Variants in RIN3 observed in about 807,000 individuals in gnomAD.
RIN3 encodes the protein Ras and Rab interactor 3, also known as RAB5 interacting protein 3.
A neutral mutation model predicts 76.3 loss-of-function variants in RIN3; 54 were observed. That is an observed-to-expected ratio of 0.71 (90% CI 0.57 to 0.89). The LOEUF is 0.89. Ranked by LOEUF, RIN3 falls within the 40% of genes least tolerant of loss-of-function variation. The probability of loss-of-function intolerance (pLI) is 0.00; values close to 1 mark genes in which losing one functional copy is unlikely to be tolerated. For synonymous variants in RIN3, 576 were observed against 564.0 expected, an observed-to-expected ratio of 1.02 and a Z score of -0.30; for missense variants, 1,256 against 1,322.1, an observed-to-expected ratio of 0.95 and a Z score of 0.78.
chr14:92,683,256 AC>A (rs554095192), intron 8 of RIN3, among the ~76,000 whole-genome samples: 14 of 152,200 alleles, frequency 9.2e-5, no homozygotes, highest in African/African-American at 3.4e-4. Context: ...CCAAGGAAGC[AC>A]CATGGAGGTG....
In RIN3 at chr14:92,655,162, C is replaced by G. The variant is rs887812141; in HGVS notation, c.2026+2087C>G. ...CCTGGGCAACAGAGTGAGACTTTGT[C>G]TCAAAAAAATAAAAGTTAAAAAAAA... On this transcript the variant is annotated intron_variant, in intron 6 of 9. Transcript: ENST00000216487. 3.2e-4 allele frequency among the ~76,000 whole-genome samples: 49 copies of G among 151,108 alleles called. 1 individual carries two copies. The highest frequency in any genetic ancestry group is 1.2e-3 in the African/African-American group (47 of 40,786).
rs767131905 is a variant in RIN3 at position 92,652,996 on chromosome 14, C to A, written c.1947C>A (p.Thr649=). ...EMLQEIRTMM[T]QLKSYLLQST... is the part of the protein sequence containing the mutation. Reference sequence around the variant, plus strand: ...TGCAGGAGATTCGCACCATGATGACCCAGCTCAAGAGCTACCTGCTGCAGA... The same window carrying A: ...TGCAGGAGATTCGCACCATGATGACACAGCTCAAGAGCTACCTGCTGCAGA... Residue 649 remains threonine (T), a synonymous_variant, in exon 6 of 10, where the codon ACC becomes ACA. Transcript: ENST00000216487. This position sits in a 1 kb window ranked among gnomAD's most constrained non-coding sequence, Gnocchi z 6.4. 6.2e-7 allele frequency: 1 copy of A among 1,613,088 alleles called. No homozygotes were observed. The highest frequency in any genetic ancestry group is 8.5e-7 in the Non-Finnish European group (1 of 1,180,030).
Position 92,662,184 on chromosome 14 carries a change from C to A in RIN3, c.2335+2715C>A, listed in dbSNP as rs78957460. 3.3e-5 allele frequency among the ~76,000 whole-genome samples: 5 copies of A among 152,306 alleles called. No individual in the cohort carries two copies. In the East Asian group the frequency reaches 9.6e-4, roughly 29 times the overall value. On this transcript the variant is annotated intron_variant, in intron 7 of 9. Coordinates refer to ENST00000216487, the MANE Select transcript of RIN3 (RefSeq NM_024832.5). ...CTGGCAAAGGGTGTCCGAGAATGAG[C>A]GGGGCCTTCTCAAGCCTTCTCAGAG...
chr14:92,649,191 G>A (rs894147097), intron 5 of RIN3, among the ~76,000 whole-genome samples: 10 of 152,200 alleles, frequency 6.6e-5, no homozygotes, highest in African/African-American at 2.4e-4. Flanking sequence ...TGATCTGGGT[G>A]AGCAGTCATG....
chr14:92,652,657 C>A lies in RIN3; in HGVS notation c.1608C>A (p.Asp536Glu), dbSNP rs761082558. 6 of 1,612,378 alleles carry A rather than the reference C, an allele frequency of 3.7e-6. No individual in the cohort carries two copies. Among genetic ancestry groups the A allele is most frequent in the Non-Finnish European group, 4.2e-6 (5 of 1,180,000 alleles). Residue 536 changes from aspartate (D) to glutamate (E), a missense_variant, in exon 6 of 10, where the codon GAC becomes GAA. By Grantham distance (45) the Asp-to-Glu change is conservative. Around this residue, in one of 3 missense-constraint regions of RIN3, gnomAD observed 428 missense variants for 521.2 expected, o/e 0.82. Transcript: ENST00000216487. The surrounding 1 kb of genome is among the most constrained non-coding windows in gnomAD (Gnocchi z 6.4). ...AGGGCTCCCTGGCCTCCCTCTCAGA[C>A]AGCTTGGGGGTGTCTGTCATGGCCA... ...EFKGSLASLS[D>E]SLGVSVMATD...
intron 1 of RIN3, chr14:92,515,135 C>A: frequency 1.5e-6 from 1 of 663,800 alleles, no homozygotes; most frequent in South Asian, 1.7e-5. Context: ...GAACGTCTCC[C>A]TTCCCTTCTT....
At position 92,685,371 on chromosome 14, in the gene RIN3, G is replaced by A. The variant is rs770737006; in HGVS notation, c.2631+221G>A. 175 of 555,082 alleles carry A rather than the reference G, an allele frequency of 3.2e-4. No individual in the cohort carries two copies. The highest frequency in any genetic ancestry group is 5.1e-4 in the Non-Finnish European group (159 of 309,686). The allele number at this position is 555,082 out of a possible 1,614,324, so 34.4% of individuals were successfully genotyped here. On this transcript the variant is annotated intron_variant, in intron 9 of 9. Coordinates refer to ENST00000216487, the MANE Select transcript of RIN3 (RefSeq NM_024832.5). The surrounding 1 kb of genome is among the most constrained non-coding windows in gnomAD (Gnocchi z 4.7). ...GTCTAGAAACATATCAGCAGGCATT[G>A]GTGTTCTCCCTGGGCAAGCAGGAAG...
chr14:92,521,937 G>T (rs79371569), intron 1 of RIN3, among the ~76,000 whole-genome samples: 1 of 152,166 alleles, frequency 6.6e-6, no homozygotes, highest in African/African-American at 2.4e-5. Context: ...TTTAACCACT[G>T]AAATCAAGCA....
At chr14:92,649,349 C>T (rs1478206238) in intron 5 of RIN3, among the ~76,000 whole-genome samples, 1 of 152,170 alleles carries the variant, frequency 6.6e-6, no homozygotes, top group Non-Finnish European at 1.5e-5. Context: ...AGTCTGGCTG[C>T]CTGCTTCTCC....
chr14:92,619,164 A>G (rs1886079089), intron 4 of RIN3, among the ~76,000 whole-genome samples: 2 of 151,764 alleles, frequency 1.3e-5, no homozygotes, highest in South Asian at 4.2e-4. Context: ...TGGCAATCTC[A>G]TGTACCTAAA....
intron 6 of RIN3, 146 bp downstream of exon 6, chr14:92,653,221 G>A (rs891856681): frequency 1.2e-6 from 1 of 863,520 alleles, no homozygotes; most frequent in Non-Finnish European, 1.7e-6. Context: ...ACTTTCTCTG[G>A]CTGCTGCAAG....
At chr14:92,615,519 G>A in intron 4 of RIN3, 40 bp downstream of exon 4, 4 of 1,540,876 alleles carry the variant, frequency 2.6e-6, no homozygotes, top group Non-Finnish European at 3.6e-6. Context: ...TCTGGTTGTA[G>A]CAAACATCAC....
intron 3 of RIN3, among the ~76,000 whole-genome samples, chr14:92,604,004 A>G (rs1566863527): frequency 1.3e-5 from 2 of 152,240 alleles, no homozygotes; most frequent in Non-Finnish European, 2.9e-5. Flanking sequence ...TCAGCCACAA[A>G]CTGGCCAAGT....
chr14:92,665,737 C>T (rs573742891), intron 7 of RIN3, among the ~76,000 whole-genome samples: 199 of 151,930 alleles, frequency 1.3e-3, no homozygotes, highest in African/African-American at 4.5e-3. Context: ...TTCCCCCAGC[C>T]CCACCTTTTC....
At chr14:92,563,125 C>T (rs558924232) in intron 2 of RIN3, among the ~76,000 whole-genome samples, 2 of 152,146 alleles carry the variant, frequency 1.3e-5, no homozygotes, top group East Asian at 1.9e-4. Flanking sequence ...TTTGGGAGGC[C>T]GAGGTGGGTG....
At chr14:92,626,864 GGTT>G (rs1053282481) in intron 4 of RIN3, among the ~76,000 whole-genome samples, 24 of 152,054 alleles carry the variant, frequency 1.6e-4, no homozygotes, top group African/African-American at 5.6e-4. Context: ...GAGGAGAACA[GGTT>G]GTTTTCTCCA....
At position 92,558,887 on chromosome 14, in the gene RIN3, CTTTTTT is replaced by C. The variant is rs61202055; in HGVS notation, c.249+2943_249+2948del. On this transcript the variant is annotated intron_variant, in intron 2 of 9. Transcript: ENST00000216487. ...TTCCTTTTGTTTTTTCTTTTCTTTT[CTTTTTT>C]TTTTTTTTTTGGTGAGACAGAGTCT... is the stretch of plus-strand genomic sequence containing the variant. Among the ~76,000 whole-genome samples the C allele has an allele frequency of 3.7e-4, 48 of 130,740 alleles. 1 individual carries two copies. Among genetic ancestry groups the C allele is most frequent in the African/African-American group, 1.4e-3 (48 of 34,506 alleles). 85.8% of individuals were successfully genotyped at this position (130,740 alleles called of 152,430 possible). A position where few individuals can be genotyped will look rare whatever the true frequency, so the allele number is the denominator to read the frequency against.
chr14:92,595,229 AAG>A (rs1428895366), intron 3 of RIN3, among the ~76,000 whole-genome samples: 1 of 152,148 alleles, frequency 6.6e-6, no homozygotes, highest in Non-Finnish European at 1.5e-5. Context: ...AGAAGGAAAA[AAG>A]AGAGGGTTGC....
At chr14:92,673,222 T>TA (rs1888346785) in intron 7 of RIN3, among the ~76,000 whole-genome samples, 2 of 152,326 alleles carry the variant, frequency 1.3e-5, no homozygotes, top group South Asian at 4.1e-4. Flanking sequence ...TGTTCCTTTT[T>TA]ATTCCCAAAG....
Sources: allele counts gnomAD v4.1 joint callset (sites outside exome capture counted in the v4.1 genomes callset), GRCh38; gene constraint gnomAD v4.1.1; regional missense constraint gnomAD v4.1.1; non-coding constraint Gnocchi (gnomAD v3.1); transcripts MANE v1.5; gene names NCBI Gene and HGNC (gene_info 2026-07-23, HGNC 2026-07-21).